NF1: variants seen among roughly 807,000 people sequenced by gnomAD.
NF1 encodes neurofibromin.
In NF1, 122 loss-of-function variants were observed where a neutral mutation model predicts 325.7. That is an observed-to-expected ratio of 0.37 (90% CI 0.32 to 0.44). The LOEUF is 0.44. Among genes scored for constraint, NF1 ranks in the 20% least tolerant of loss-of-function variants. The pLI is 1.00. For missense variants in NF1, 2,140 were observed against 3,415.4 expected (o/e 0.63, Z 9.31); for synonymous variants, 1,091 against 1,186.0 (o/e 0.92, Z 1.65).
At chr17:31,370,277 C>T (rs770324208) in intron 57 of NF1, among the ~76,000 whole-genome samples, 1 of 151,926 alleles carries the variant, frequency 6.6e-6, no homozygotes, top group African/African-American at 2.4e-5. Context: ...ACAAGTCACT[C>T]GTACTTTTAC....
intron 1 of NF1, among the ~76,000 whole-genome samples, chr17:31,126,261 C>T (rs1914880593): frequency 6.6e-6 from 1 of 152,004 alleles, no homozygotes; most frequent in African/African-American, 2.4e-5. Context: ...ATCTGTATTT[C>T]CTTGACTACC....
Position 31,270,052 on chromosome 17 carries a change from C to T in NF1, c.4835+4713C>T, listed in dbSNP as rs554229978. Among the ~76,000 whole-genome samples, 3 of 152,318 alleles carry T rather than the reference C, an allele frequency of 2.0e-5. No homozygotes were observed. In the East Asian group the frequency reaches 5.8e-4, roughly 29 times the overall value. On this transcript the variant is annotated intron_variant, in intron 36 of 57. Transcript: ENST00000358273. Reference sequence around the variant, plus strand: ...GGCAGGCAGAAGTAGCAGAAGTCCTCTACATCCAGCTTTAAAAAGGCCCAG... The same window carrying T: ...GGCAGGCAGAAGTAGCAGAAGTCCTTTACATCCAGCTTTAAAAAGGCCCAG...
intron 13 of NF1, among the ~76,000 whole-genome samples, chr17:31,217,090 G>A (rs1255081696): frequency 6.6e-6 from 1 of 152,054 alleles, no homozygotes; most frequent in East Asian, 1.9e-4. Context: ...ACATGCTCAT[G>A]GAGGATGGGA....
At chr17:31,103,038 G>T (rs907191398) in intron 1 of NF1, among the ~76,000 whole-genome samples, 21 of 151,592 alleles carry the variant, frequency 1.4e-4, no homozygotes, top group Admixed American at 5.9e-4. Context: ...AAGAGACAAG[G>T]GTTCGCCATG....
intron 36 of NF1, chr17:31,295,024 G>C: frequency 6.2e-7 from 1 of 1,614,048 alleles, no homozygotes; most frequent in Non-Finnish European, 8.5e-7. Flanking sequence ...CAGCCAGCAT[G>C]ACCACAACAT....
At chr17:31,283,959 A>T (rs1401429478) in intron 36 of NF1, among the ~76,000 whole-genome samples, 1 of 152,242 alleles carries the variant, frequency 6.6e-6, no homozygotes, top group Admixed American at 6.5e-5. Context: ...CTTGGGTGTT[A>T]GTGGTAAAGC....
At chr17:31,205,540 A>C (rs1232586157) in intron 11 of NF1, among the ~76,000 whole-genome samples, 1 of 152,180 alleles carries the variant, frequency 6.6e-6, no homozygotes, top group Non-Finnish European at 1.5e-5. Flanking sequence ...TAAAATAGGC[A>C]CTAAAAACTA....
rs3138611 is a variant in NF1, at chr17:31,317,368, A to AACACACACACAC, written c.4836-8427_4836-8416dup. Reference sequence around the variant, plus strand: ...TGAAGTATGCAGTTTTCCAGATTTGAACACACACACACACACACACACACA... The same window carrying AACACACACACAC: ...TGAAGTATGCAGTTTTCCAGATTTGAACACACACACACACACACACACACACACACACACACA... On this transcript the variant is annotated intron_variant, in intron 36 of 57. Coordinates refer to ENST00000358273, the MANE Select transcript of NF1 (RefSeq NM_001042492.3). Among the ~76,000 whole-genome samples, 178 of 144,642 alleles carry AACACACACACAC rather than the reference A, an allele frequency of 1.2e-3. 1 individual carries two copies. Among genetic ancestry groups the AACACACACACAC allele is most frequent in the East Asian group, 4.9e-3 (24 of 4,912 alleles). 94.9% of individuals were successfully genotyped at this position (144,642 alleles called of 152,430 possible).
intron 36 of NF1, among the ~76,000 whole-genome samples, chr17:31,287,353 C>T (rs2068250168): frequency 6.6e-6 from 1 of 152,196 alleles, no homozygotes; most frequent in East Asian, 1.9e-4. Flanking sequence ...TATTTTTTAT[C>T]AGAGGACACA....
intron 36 of NF1, among the ~76,000 whole-genome samples, chr17:31,316,297 C>T (rs2069019075): frequency 6.6e-6 from 1 of 152,104 alleles, no homozygotes; most frequent in African/African-American, 2.4e-5. Flanking sequence ...AGATATCTTA[C>T]CTACCATTTT....
Position 31,326,353 on chromosome 17 carries a change from A to G in NF1, c.5268+101A>G, listed in dbSNP as rs939004021. ...GTGTCCTACCCCTATAGTGGTGTAT[A>G]AAATGTCACGTAAGGCTGTCGCGGT... On this transcript the variant is annotated intron_variant, in intron 37 of 57. Coordinates refer to ENST00000358273, the MANE Select transcript of NF1 (RefSeq NM_001042492.3). 60 of 1,190,584 alleles carry G rather than the reference A, an allele frequency of 5.0e-5. 1 individual carries two copies. The African/African-American group carries it at 5.3e-4, about 11-fold the overall frequency. The allele number at this position is 1,190,584 out of a possible 1,614,324, so 73.8% of individuals were successfully genotyped here. A position where few individuals can be genotyped will look rare whatever the true frequency, so the allele number is the denominator to read the frequency against.
At chr17:31,305,008 T>A in intron 36 of NF1, 1 of 1,614,178 alleles carries the variant, frequency 6.2e-7, no homozygotes, top group East Asian at 2.2e-5. Flanking sequence ...AGCTATTGAA[T>A]TATAATTGTT....
intron 29 of NF1, among the ~76,000 whole-genome samples, chr17:31,236,542 T>A (rs1223574561): frequency 6.6e-6 from 1 of 151,982 alleles, no homozygotes; most frequent in African/African-American, 2.4e-5. Flanking sequence ...CAGGTTCGTG[T>A]GATTCTCCTG....
At position 31,231,099 on chromosome 17, in the gene NF1, G is replaced by A. The variant is rs2067106446; in HGVS notation, c.3197+174G>A. On this transcript the variant is annotated intron_variant, in intron 24 of 57. Coordinates refer to ENST00000358273, the MANE Select transcript of NF1 (RefSeq NM_001042492.3). ...TATTACTGCTTTTTTTTGACTGATA[G>A]ACTTTCAGTAAAATTAAATGTGAAA... Among the ~76,000 whole-genome samples, 3 of 152,132 alleles carry A rather than the reference G, an allele frequency of 2.0e-5. No individual in the cohort carries two copies. In the South Asian group the frequency reaches 6.2e-4, roughly 31 times the overall value.
At chr17:31,167,527 A>G (rs1029082185) in intron 4 of NF1, among the ~76,000 whole-genome samples, 6 of 152,212 alleles carry the variant, frequency 3.9e-5, no homozygotes, top group Non-Finnish European at 8.8e-5. Flanking sequence ...TTATAAGACC[A>G]TATAGTATTT....
chr17:31,316,857 T>C (rs1225191009), intron 36 of NF1, among the ~76,000 whole-genome samples: 1 of 152,234 alleles, frequency 6.6e-6, no homozygotes, highest in Non-Finnish European at 1.5e-5. Flanking sequence ...AATGATGCTT[T>C]ATTTTTTTCC....
intron 56 of NF1, chr17:31,359,786 T>C (rs1296412547): frequency 1.9e-5 from 3 of 154,600 alleles, no homozygotes; most frequent in Admixed American, 6.4e-5. Flanking sequence ...GGCATTAGTT[T>C]ATGTAGTGCT....
chr17:31,272,300 A>G (rs1416038056), intron 36 of NF1: 1 of 152,250 alleles, frequency 6.6e-6, no homozygotes, highest in African/African-American at 2.4e-5. Context: ...AATGTTGTCC[A>G]TTGGATTGAG....
chr17:31,287,381 G>A (rs1345091688), intron 36 of NF1, among the ~76,000 whole-genome samples: 1 of 152,158 alleles, frequency 6.6e-6, no homozygotes, highest in African/African-American at 2.4e-5. Flanking sequence ...ACTTGCCCAA[G>A]GTAAAAACAC....
Sources: allele counts gnomAD v4.1 joint callset (sites outside exome capture counted in the v4.1 genomes callset), GRCh38; gene constraint gnomAD v4.1.1; transcripts MANE v1.5; gene names NCBI Gene and HGNC (gene_info 2026-07-23, HGNC 2026-07-21).